The following PTPRT variants were observed in gnomAD, a reference collection of about 807,000 sequenced individuals.
PTPRT encodes protein tyrosine phosphatase receptor type T, also known as receptor-type tyrosine-protein phosphatase T.
PTPRT carries 56 observed loss-of-function variants against 176.8 expected under a neutral mutation model. The observed-to-expected ratio is 0.32, with a 90% CI of 0.26 to 0.40. The LOEUF (loss-of-function observed/expected upper bound fraction) is 0.40, where lower values mean the gene tolerates loss of function less well. PTPRT is among the 10% of genes least tolerant of loss of function. The pLI is 1.00. For missense variants in PTPRT, 1,540 were observed against 1,908.2 expected (o/e 0.81, Z 3.60); for synonymous variants, 783 against 739.0 (o/e 1.06, Z -0.96).
intron 2 of PTPRT, among the ~76,000 whole-genome samples, chr20:42,872,590 C>T (rs2078864121): frequency 6.6e-6 from 1 of 152,160 alleles, no homozygotes; most frequent in Non-Finnish European, 1.5e-5. Context: ...GAGTCTTCAC[C>T]AATGTTTTGT....
intron 2 of PTPRT, among the ~76,000 whole-genome samples, chr20:42,869,285 C>A (rs1233758747): frequency 3.9e-5 from 6 of 152,114 alleles, no homozygotes; most frequent in Admixed American, 6.5e-5. Context: ...GCAACACAAG[C>A]CTGGGAGAGA....
At chr20:43,025,838 C>G (rs1985887143) in intron 1 of PTPRT, among the ~76,000 whole-genome samples, 1 of 152,108 alleles carries the variant, frequency 6.6e-6, no homozygotes, top group Non-Finnish European at 1.5e-5. Flanking sequence ...GTATTTCATC[C>G]TTTGACTTGG....
intron 1 of PTPRT, among the ~76,000 whole-genome samples, chr20:43,102,838 C>A (rs1438472369): frequency 6.6e-6 from 1 of 152,172 alleles, no homozygotes; most frequent in South Asian, 2.1e-4. Context: ...TTCTTGGGAT[C>A]ACCTCCAGAA....
intron 13 of PTPRT, chr20:42,270,363 T>TGCCC: frequency 3.0e-6 from 4 of 1,332,710 alleles, no homozygotes; most frequent in Non-Finnish European, 4.2e-6. Flanking sequence ...TGGGCAACTC[T>TGCCC]CCCCTCCCAC....
chr20:42,987,375 G>A (rs1010413212), intron 1 of PTPRT, among the ~76,000 whole-genome samples: 2 of 152,202 alleles, frequency 1.3e-5, no homozygotes, highest in East Asian at 3.9e-4. Flanking sequence ...AGCCACCAAT[G>A]GTTGGTGGCT....
At chr20:42,380,037 G>A (rs2058684653) in intron 9 of PTPRT, among the ~76,000 whole-genome samples, 1 of 152,176 alleles carries the variant, frequency 6.6e-6, no homozygotes. Flanking sequence ...CCATGAGTTC[G>A]ATAGTCAATC....
intron 8 of PTPRT, among the ~76,000 whole-genome samples, chr20:42,459,897 GT>G (rs1156427708): frequency 6.6e-6 from 1 of 152,150 alleles, no homozygotes; most frequent in Non-Finnish European, 1.5e-5. Context: ...GATTACAGGG[GT>G]GAGCCACCAT....
chr20:42,811,762 GCTTA>G (rs1230031694), intron 2 of PTPRT, among the ~76,000 whole-genome samples: 1 of 152,058 alleles, frequency 6.6e-6, no homozygotes, highest in Non-Finnish European at 1.5e-5. Context: ...TGTCTAAGTT[GCTTA>G]CTGTGAGTCC....
At chr20:42,247,164 T>A (rs1043098595) in intron 14 of PTPRT, among the ~76,000 whole-genome samples, 3 of 152,214 alleles carry the variant, frequency 2.0e-5, no homozygotes, top group Non-Finnish European at 4.4e-5. Flanking sequence ...ACCTTAGCTC[T>A]TAAGCCATTG....
intron 1 of PTPRT, among the ~76,000 whole-genome samples, chr20:43,132,791 G>A (rs1436323395): frequency 6.6e-6 from 1 of 152,146 alleles, no homozygotes; most frequent in Non-Finnish European, 1.5e-5. Flanking sequence ...AAATCTGTAA[G>A]GGGAATAGAG....
chr20:42,130,243 G>T (rs2032886930), intron 18 of PTPRT, among the ~76,000 whole-genome samples: 1 of 152,212 alleles, frequency 6.6e-6, no homozygotes, highest in African/African-American at 2.4e-5. Flanking sequence ...GAAGAAAGTG[G>T]AGAAACTCAG....
At position 42,710,945 on chromosome 20, in the gene PTPRT, T is replaced by G. The variant is rs2146198957; in HGVS notation, c.860-32786A>C. 1.3e-5 allele frequency among the ~76,000 whole-genome samples: 2 copies of G among 152,334 alleles called. 1 individual carries two copies. Among genetic ancestry groups the G allele is most frequent in the South Asian group, 4.1e-4 (2 of 4,826 alleles). On this transcript the variant is annotated intron_variant, in intron 6 of 30. Coordinates refer to ENST00000373187, the MANE Select transcript of PTPRT (RefSeq NM_007050.6). ...TATGGGACATAGAGTCAAAGGAGGTTGTTTTAGAGCTTTAAGATTTAATGC... is the reference window on the plus strand; with the variant it reads ...TATGGGACATAGAGTCAAAGGAGGTGGTTTTAGAGCTTTAAGATTTAATGC...
At chr20:42,626,832 C>T (rs1276385015) in intron 7 of PTPRT, among the ~76,000 whole-genome samples, 4 of 152,136 alleles carry the variant, frequency 2.6e-5, no homozygotes, top group African/African-American at 9.7e-5. Flanking sequence ...TTCTTGGGTC[C>T]CCAATCTAGC....
Position 42,341,681 on chromosome 20 carries a change from A to G in PTPRT, c.1865+8947T>C, listed in dbSNP as rs6030155. ...CTGGATGCTAATGACTCCCAAATCT[A>G]AAACCCCTGCTCAGATGCCTCTCCA... On this transcript the variant is annotated intron_variant, in intron 11 of 30. Coordinates refer to ENST00000373187, the MANE Select transcript of PTPRT (RefSeq NM_007050.6). Among the ~76,000 whole-genome samples the G allele has an allele frequency of 4.6e-3, 697 of 152,202 alleles. 9 individuals are homozygous for G. The highest frequency in any genetic ancestry group is 0.016 in the African/African-American group (668 of 41,544).
Position 42,614,728 on chromosome 20 carries a change from C to T in PTPRT, c.1153+63138G>A, listed in dbSNP as rs112000986. Among the ~76,000 whole-genome samples the T allele has an allele frequency of 4.3e-3, 659 of 152,158 alleles. 6 individuals carry two copies. Among genetic ancestry groups the T allele is most frequent in the African/African-American group, 0.015 (620 of 41,520 alleles). ...GCTGTGTTAGTTCATTTTCATGCTG[C>T]TGATAAGGACATACCTGAGACTGGG... is the stretch of plus-strand genomic sequence containing the variant. On this transcript the variant is annotated intron_variant, in intron 7 of 30. Transcript: ENST00000373187.
chr20:42,843,707 C>G (rs530405896), intron 2 of PTPRT, among the ~76,000 whole-genome samples: 1 of 152,300 alleles, frequency 6.6e-6, no homozygotes, highest in South Asian at 2.1e-4. Context: ...AGCTTTGGCT[C>G]CAAGGAGGAA....
At chr20:42,668,246 T>C (rs932533444) in intron 7 of PTPRT, among the ~76,000 whole-genome samples, 2 of 152,222 alleles carry the variant, frequency 1.3e-5, no homozygotes, top group Non-Finnish European at 2.9e-5. Flanking sequence ...CTAAGGAGCA[T>C]GGAGTGGCAG....
At chr20:42,148,578 T>G (rs900905321) in intron 17 of PTPRT, among the ~76,000 whole-genome samples, 6 of 152,112 alleles carry the variant, frequency 3.9e-5, no homozygotes, top group Non-Finnish European at 7.4e-5. Flanking sequence ...TGGGGAGAAC[T>G]CTGAAAAGGG....
intron 9 of PTPRT, among the ~76,000 whole-genome samples, chr20:42,358,555 T>C (rs866934180): frequency 2.3e-4 from 35 of 152,060 alleles, no homozygotes; most frequent in African/African-American, 8.5e-4. Context: ...GCCTTCCTCA[T>C]AGAGTGTGAA....
Sources: gnomAD v4.1 joint callset for allele counts (sites outside exome capture counted in the v4.1 genomes callset) on GRCh38, gnomAD v4.1.1 for gene constraint, MANE v1.5 for transcripts, NCBI Gene and HGNC (gene_info 2026-07-23, HGNC 2026-07-21) for gene names.